The following MAGI2 variants were observed in gnomAD, a reference collection of about 807,000 sequenced individuals.
MAGI2 encodes the protein membrane-associated guanylate kinase, WW and PDZ domain-containing protein 2.
MAGI2 carries 35 observed loss-of-function variants against 133.3 expected under a neutral mutation model. The ratio of observed to expected loss-of-function variants is 0.26; its 90% CI spans 0.20 to 0.35. MAGI2 has a LOEUF of 0.35. MAGI2 is among the 10% of genes least tolerant of loss of function. MAGI2 has a pLI of 1.00. For synonymous variants in MAGI2, 729 were observed against 710.6 expected, an observed-to-expected ratio of 1.03 and a Z score of -0.41; for missense variants, 1,636 against 1,863.4, an observed-to-expected ratio of 0.88 and a Z score of 2.25.
intron 6 of MAGI2, among the ~76,000 whole-genome samples, chr7:78,462,054 A>C (rs2151513963): frequency 6.6e-6 from 1 of 152,210 alleles, no homozygotes; most frequent in East Asian, 1.9e-4. Flanking sequence ...TTTTGTAAAG[A>C]AAATGTTGAA....
intron 2 of MAGI2, among the ~76,000 whole-genome samples, chr7:78,708,966 A>G (rs776112013): frequency 1.1e-4 from 17 of 151,962 alleles, no homozygotes; most frequent in Non-Finnish European, 2.2e-4. Context: ...TACCCTTCCA[A>G]TCTGTCTCCT....
intron 2 of MAGI2, among the ~76,000 whole-genome samples, chr7:78,866,505 C>T (rs1049958368): frequency 3.9e-5 from 6 of 151,946 alleles, no homozygotes; most frequent in Admixed American, 2.6e-4. Context: ...TCTATCTCTA[C>T]CTTTCTGCTT....
intron 1 of MAGI2, among the ~76,000 whole-genome samples, chr7:79,018,329 T>A (rs1475554152): frequency 1.3e-5 from 2 of 152,126 alleles, no homozygotes; most frequent in African/African-American, 2.4e-5. Flanking sequence ...ATAAAATCCT[T>A]TTCAGAAAAG....
At chr7:78,700,258 T>A (rs1284549408) in intron 2 of MAGI2, among the ~76,000 whole-genome samples, 1 of 152,170 alleles carries the variant, frequency 6.6e-6, no homozygotes, top group African/African-American at 2.4e-5. Context: ...CTTGATAGAC[T>A]GTTTTCCTCT....
intron 3 of MAGI2, among the ~76,000 whole-genome samples, chr7:78,568,665 C>G (rs957114458): frequency 3.3e-5 from 5 of 152,220 alleles, no homozygotes; most frequent in African/African-American, 1.2e-4. Context: ...CCTCGCCAGT[C>G]TCTCTGCTTC....
intron 9 of MAGI2, among the ~76,000 whole-genome samples, chr7:78,277,507 A>T (rs1795166965): frequency 6.6e-6 from 1 of 152,232 alleles, no homozygotes; most frequent in Non-Finnish European, 1.5e-5. Flanking sequence ...TGAGATGTCC[A>T]GAACAGAGCT....
chr7:78,773,585 AC>A (rs1345071800), intron 2 of MAGI2, among the ~76,000 whole-genome samples: 1 of 152,358 alleles, frequency 6.6e-6, no homozygotes, highest in South Asian at 2.1e-4. Flanking sequence ...GTACCCATTA[AC>A]ATGTAATAGA....
intron 2 of MAGI2, among the ~76,000 whole-genome samples, chr7:78,803,483 A>AT (rs200796767): frequency 8.0e-4 from 118 of 147,902 alleles, no homozygotes; most frequent in African/African-American, 2.9e-3. Flanking sequence ...GCTTACATTT[A>AT]TTTATTTTTT....
intron 1 of MAGI2, among the ~76,000 whole-genome samples, chr7:79,331,727 G>A (rs1329872649): frequency 2.0e-5 from 3 of 152,034 alleles, no homozygotes; most frequent in African/African-American, 2.4e-5. Flanking sequence ...ACAGAAGCAC[G>A]TTTTCTTCAG....
intron 16 of MAGI2, among the ~76,000 whole-genome samples, chr7:78,157,522 C>CGT (rs1160279054): frequency 6.7e-6 from 1 of 148,816 alleles, no homozygotes; most frequent in Non-Finnish European, 1.5e-5. Flanking sequence ...TGTACACATA[C>CGT]ATACACACAC....
chr7:78,095,498 C>T (rs1228472271), intron 20 of MAGI2, among the ~76,000 whole-genome samples: 1 of 152,160 alleles, frequency 6.6e-6, no homozygotes, highest in Non-Finnish European at 1.5e-5. Flanking sequence ...TATCTTTTCT[C>T]AGTTCTTTTC....
At chr7:78,346,153 A>T (rs1326058369) in intron 7 of MAGI2, 110 bp from the exon 8 acceptor site, 1 of 1,242,070 alleles carries the variant, frequency 8.1e-7, no homozygotes, top group East Asian at 2.3e-5. Context: ...ATCTGATTAC[A>T]GTCAAGTGCC....
chr7:78,510,550 AG>A (rs912437816), intron 4 of MAGI2, among the ~76,000 whole-genome samples: 43 of 152,292 alleles, frequency 2.8e-4, no homozygotes, highest in African/African-American at 1.0e-3. Context: ...TTTTTAGATT[AG>A]GGGTTTTCAA....
At chr7:79,185,578 G>A (rs533198267) in intron 1 of MAGI2, among the ~76,000 whole-genome samples, 19 of 147,472 alleles carry the variant, frequency 1.3e-4, no homozygotes, top group African/African-American at 3.3e-4. Context: ...ATTCAATGGC[G>A]TTTGCTAAAT....
At chr7:79,294,906 CTT>C (rs1217785312) in intron 1 of MAGI2, among the ~76,000 whole-genome samples, 4 of 140,356 alleles carry the variant, frequency 2.8e-5, no homozygotes, top group Non-Finnish European at 3.1e-5. Flanking sequence ...AATTTTTGTA[CTT>C]TTTTTTTTTT....
At chr7:78,197,494 A>G (rs1372761135) in intron 11 of MAGI2, among the ~76,000 whole-genome samples, 1 of 152,218 alleles carries the variant, frequency 6.6e-6, no homozygotes, top group East Asian at 1.9e-4. Context: ...TCATGTAGTC[A>G]TTGGACATGC....
intron 9 of MAGI2, among the ~76,000 whole-genome samples, chr7:78,284,036 A>T (rs1440293631): frequency 1.3e-5 from 2 of 152,130 alleles, no homozygotes; most frequent in African/African-American, 4.8e-5. Flanking sequence ...CAGTACCACA[A>T]GGTGATAAAT....
At position 79,452,211 on chromosome 7, in the gene MAGI2, G is replaced by C. The variant is rs1196125057; in HGVS notation, c.301+809C>G. The stretch of plus-strand genomic sequence containing the variant: ...GCAACCCCTGAGTAAAGTCCATGCG[G>C]ACAACCATTCATCTCCTCCGACAAC... On this transcript the variant is annotated intron_variant, in intron 1 of 21. Coordinates refer to ENST00000354212, the MANE Select transcript of MAGI2 (RefSeq NM_012301.4). 2.6e-5 allele frequency among the ~76,000 whole-genome samples: 4 copies of C among 152,068 alleles called. No individual in the cohort carries two copies. In the South Asian group the frequency reaches 6.2e-4, roughly 24 times the overall value.
In MAGI2 at chr7:78,313,552, A is replaced by C. The variant is rs142527117; in HGVS notation, c.1408+30226T>G. 5.3e-3 allele frequency among the ~76,000 whole-genome samples: 811 copies of C among 152,204 alleles called. 7 individuals are homozygous for C. The highest frequency in any genetic ancestry group is 0.019 in the African/African-American group (786 of 41,560). On this transcript the variant is annotated intron_variant, in intron 9 of 21. Coordinates refer to ENST00000354212, the MANE Select transcript of MAGI2 (RefSeq NM_012301.4). ...ATTAAAATCTAAGTATGTGTGTAAAAACAGTTACAAACATTAGAAAGAAGA... is the reference window on the plus strand; with the variant it reads ...ATTAAAATCTAAGTATGTGTGTAAACACAGTTACAAACATTAGAAAGAAGA...
Sources: allele counts gnomAD v4.1 joint callset (sites outside exome capture counted in the v4.1 genomes callset), GRCh38; gene constraint gnomAD v4.1.1; transcripts MANE v1.5; gene names NCBI Gene and HGNC (gene_info 2026-07-23, HGNC 2026-07-21).